RGS12: variants seen among roughly 807,000 people sequenced by gnomAD.
The protein encoded by RGS12 is regulator of G protein signaling 12, also known as regulator of G-protein signaling 12.
Under a neutral mutation model 120.1 loss-of-function variants are expected in RGS12, and 66 were observed. That is an observed-to-expected ratio of 0.55 (90% CI 0.45 to 0.67). The LOEUF (loss-of-function observed/expected upper bound fraction) is 0.67. RGS12 is among the 30% of genes least tolerant of loss of function. The pLI is 0.00. For synonymous variants in RGS12, 827 were observed against 804.7 expected (o/e 1.03, Z -0.47); for missense variants, 1,859 against 1,957.7 (o/e 0.95, Z 0.95).
chr4:3,428,683 T>C lies in RGS12; in HGVS notation c.3537T>C (p.Tyr1179=), dbSNP rs1378496972. 6.3e-7 allele frequency: 1 copy of C among 1,594,788 alleles called. No homozygotes were observed. The highest frequency in any genetic ancestry group is 1.8e-5 in the Admixed American group (1 of 54,160). The change falls in exon 16 of 18, where the codon TAT becomes TAC. Residue 1179 remains tyrosine, a synonymous_variant. Transcript: ENST00000336727. Reference sequence around the variant, plus strand: ...TTGCAAAGATTGGGAAAAAAAAATATCAGAAAATTAATTTGGACGAAGCAG... The same window carrying C: ...TTGCAAAGATTGGGAAAAAAAAATACCAGAAAATTAATTTGGACGAAGCAG... ...ESIAKIGKKK[Y]QKINLDEAEE... is the part of the protein sequence containing the mutation.
At chr4:3,431,531 G>C (rs1252326819) in intron 17 of RGS12, 2 of 986,056 alleles carry the variant, frequency 2.0e-6, no homozygotes, top group Non-Finnish European at 2.4e-6. Flanking sequence ...CTCTGACCGC[G>C]GGTGTCACGG....
chr4:3,329,634 C>T (rs551470155), intron 2 of RGS12, among the ~76,000 whole-genome samples: 4 of 141,308 alleles, frequency 2.8e-5, no homozygotes, highest in Admixed American at 1.4e-4. Context: ...GAGTGTGATG[C>T]GACTGAAGCA....
At chr4:3,318,951 T>C (rs1013880755) in intron 2 of RGS12, among the ~76,000 whole-genome samples, 2 of 152,244 alleles carry the variant, frequency 1.3e-5, no homozygotes, top group East Asian at 3.9e-4. Flanking sequence ...CTGTTTACGA[T>C]GTAAAGACAC....
chr4:3,420,934 G>A (rs1385630725), intron 10 of RGS12, among the ~76,000 whole-genome samples: 1 of 152,252 alleles, frequency 6.6e-6, no homozygotes, highest in Non-Finnish European at 1.5e-5. Flanking sequence ...CCCAGCCTAG[G>A]GCTCCTGAGA....
intron 17 of RGS12, chr4:3,432,356 TCCCA>T: frequency 4.4e-6 from 1 of 226,870 alleles, no homozygotes; most frequent in Non-Finnish European, 7.3e-6. Context: ...CCTGGTGTGC[TCCCA>T]GCAGCACAGC....
chr4:3,382,866 T>C (rs1718409772), intron 3 of RGS12, among the ~76,000 whole-genome samples: 1 of 152,230 alleles, frequency 6.6e-6, no homozygotes, highest in East Asian at 1.9e-4. Context: ...TGCTTCAGCC[T>C]TTGTTTCTCG....
intron 3 of RGS12, among the ~76,000 whole-genome samples, chr4:3,347,563 T>C (rs1045951149): frequency 6.6e-6 from 1 of 152,244 alleles, no homozygotes; most frequent in Non-Finnish European, 1.5e-5. Context: ...TCTCATGTAA[T>C]TAATTTTTGT....
intron 4 of RGS12, chr4:3,407,333 C>G (rs1350121440): frequency 6.6e-6 from 1 of 152,272 alleles, no homozygotes; most frequent in Non-Finnish European, 1.5e-5. Context: ...AGCCTGCGTG[C>G]AGGCAGGGCA....
intron 3 of RGS12, among the ~76,000 whole-genome samples, chr4:3,346,143 T>G (rs759371229): frequency 1.3e-5 from 2 of 152,200 alleles, no homozygotes; most frequent in Non-Finnish European, 2.9e-5. Flanking sequence ...TTTCCTTCTT[T>G]ACGCAATGGA....
rs187078337 is a variant in RGS12, at chr4:3,431,789, C to T, written c.4114+834C>T. The T allele has an allele frequency of 1.8e-3, 1,780 of 985,748 alleles. 1 individual carries two copies. Among genetic ancestry groups the T allele is most frequent in the South Asian group, 2.0e-3 (42 of 21,284 alleles). The allele number at this position is 985,748 out of a possible 1,614,324, so 61.1% of individuals were successfully genotyped here. On this transcript the variant is annotated intron_variant, in intron 17 of 17. Coordinates refer to ENST00000336727, the MANE Select transcript of RGS12 (RefSeq NM_001394154.1). ...GCGTGGACACCTCTGCTGTGGTTTG[C>T]TGCTGGGGGCGATGGGAGCGCCTCT...
chr4:3,306,778 G>A (rs1014053179), intron 1 of RGS12, among the ~76,000 whole-genome samples: 2 of 152,246 alleles, frequency 1.3e-5, no homozygotes, highest in Admixed American at 1.3e-4. Flanking sequence ...ATGTCCTGGG[G>A]GACGCTGGTG....
intron 10 of RGS12, 36 bp from the exon 11 acceptor site, chr4:3,422,340 G>C (rs2109160264): frequency 6.3e-7 from 1 of 1,580,316 alleles, no homozygotes; most frequent in East Asian, 2.3e-5. Context: ...CTGTGACGCT[G>C]GTTCCCTCAC....
Position 3,417,381 on chromosome 4 carries a change from A to G in RGS12, c.2608-7A>G. The G allele has an allele frequency of 1.9e-6, 3 of 1,562,046 alleles. No individual in the cohort carries two copies. Among genetic ancestry groups the G allele is most frequent in the African/African-American group, 2.8e-5 (2 of 72,648 alleles). ...TTGTTTTAACCAAGGTTTCCATTTG[A>G]TGACAGTTAAGTGGAAAATCAAAAT... On this transcript the variant is annotated splice_polypyrimidine_tract_variant and splice_region_variant and intron_variant, in intron 8 of 17. Transcript: ENST00000336727.
Position 3,422,888 on chromosome 4 carries a change from G to C in RGS12, c.3034-17G>C, listed in dbSNP as rs753592948. 1.4e-5 allele frequency: 23 copies of C among 1,611,226 alleles called. No homozygotes were observed. The highest frequency in any genetic ancestry group is 3.3e-4 in the Middle Eastern group (2 of 6,082). The stretch of plus-strand genomic sequence containing the variant: ...GCCTGCTGTGCCCACGTTGATTCTG[G>C]TCTCTCTGTTCCTCAGCCTCTGGTG... On this transcript the variant is annotated splice_polypyrimidine_tract_variant and intron_variant, in intron 11 of 17. Coordinates refer to ENST00000336727, the MANE Select transcript of RGS12 (RefSeq NM_001394154.1).
At chr4:3,371,753 A>T (rs1337975754) in intron 3 of RGS12, among the ~76,000 whole-genome samples, 1 of 152,132 alleles carries the variant, frequency 6.6e-6, no homozygotes, top group Admixed American at 6.5e-5. Context: ...GGTCGGCAGA[A>T]TTGCTTCTCC....
At chr4:3,336,865 A>G (rs1712533411) in intron 2 of RGS12, among the ~76,000 whole-genome samples, 1 of 152,228 alleles carries the variant, frequency 6.6e-6, no homozygotes, top group South Asian at 2.1e-4. Context: ...CCTATAACTC[A>G]GCAACAGGAA....
chr4:3,293,827 C>G (rs111324442), intron 1 of RGS12, among the ~76,000 whole-genome samples: 3 of 105,772 alleles, frequency 2.8e-5, no homozygotes, highest in Admixed American at 9.2e-5. Flanking sequence ...GAGTGTAGAC[C>G]GAGAGGGGGC....
intron 2 of RGS12, among the ~76,000 whole-genome samples, chr4:3,319,384 A>C (rs759183364): frequency 1.8e-4 from 27 of 151,970 alleles, no homozygotes; most frequent in Non-Finnish European, 3.4e-4. Context: ...GTATGTAAGC[A>C]TAGAATTTTT....
Position 3,416,771 on chromosome 4 carries a change from G to A in RGS12, c.2428-142G>A, listed in dbSNP as rs541508674. 6.2e-5 allele frequency: 45 copies of A among 730,668 alleles called. 1 individual carries two copies. The South Asian group carries it at 8.7e-4, about 14-fold the overall frequency. 45.3% of individuals were successfully genotyped at this position (730,668 alleles called of 1,614,324 possible). On this transcript the variant is annotated intron_variant, in intron 7 of 17. Coordinates refer to ENST00000336727, the MANE Select transcript of RGS12 (RefSeq NM_001394154.1). ...GGAAATAACTCTTAAGTACCCTCAG[G>A]GCTGGCGGGGGAAAATGGACTGAAA...
Sources: allele counts gnomAD v4.1 joint callset (sites outside exome capture counted in the v4.1 genomes callset), GRCh38; gene constraint gnomAD v4.1.1; transcripts MANE v1.5; gene names NCBI Gene and HGNC (gene_info 2026-07-23, HGNC 2026-07-21).